CCDC137: variants seen among roughly 807,000 people sequenced by gnomAD.
The protein encoded by CCDC137 is coiled-coil domain-containing protein 137.
Under a neutral mutation model 30.4 loss-of-function variants are expected in CCDC137, and 24 were observed. That is an observed-to-expected ratio of 0.79 (90% CI 0.57 to 1.11). The LOEUF (loss-of-function observed/expected upper bound fraction) is 1.11. Ranked by LOEUF, CCDC137 falls within the 50% of genes least tolerant of loss-of-function variation. The pLI is 0.00. For synonymous variants in CCDC137, 182 were observed against 155.7 expected (o/e 1.17, Z -1.26); for missense variants, 417 against 380.4 (o/e 1.10, Z -0.80).
At chr17:81,669,595 A>T (rs568654763) in intron 2 of CCDC137, among the ~76,000 whole-genome samples, 57 of 147,102 alleles carry the variant, frequency 3.9e-4, no homozygotes, top group African/African-American at 1.4e-3. Context: ...AGTCTCGCTC[A>T]GTCGCCCAGG....
At chr17:81,671,711 A>G in intron 3 of CCDC137, 33 bp from the exon 4 acceptor site, 1 of 1,608,386 alleles carries the variant, frequency 6.2e-7, no homozygotes. Context: ...AAGAGAATTT[A>G]GGAATCTGAG....
chr17:81,671,843 C>T lies in CCDC137; in HGVS notation c.580+17C>T, dbSNP rs749784020. On this transcript the variant is annotated intron_variant, in intron 4 of 5. Transcript: ENST00000329214. ...TGCTCCGAGGTAGCTCTTCCCAAAG[C>T]GATGGTGTCAGCAGTGGTCCGGGTG... The T allele has an allele frequency of 5.8e-5, 94 of 1,613,044 alleles. No individual in the cohort carries two copies. The highest frequency in any genetic ancestry group is 4.8e-4 in the Admixed American group (29 of 59,920).
chr17:81,666,880 C>A lies in CCDC137; in HGVS notation c.114C>A (p.Ala38=). Residue 38 remains alanine, a synonymous_variant, in exon 1 of 6, where the codon GCC becomes GCA. Transcript: ENST00000329214. ...QVQPLGKQRP[A]PWPGLRSKEK... is the part of the protein sequence containing the mutation. ...AGCCGCTGGGGAAGCAGCGCCCAGC[C>A]CCGTGGCCCGGGCTTCGCAGGTGAC... The A allele has an allele frequency of 7.8e-7, 1 of 1,288,122 alleles. No homozygotes were observed. 79.8% of individuals were successfully genotyped at this position (1,288,122 alleles called of 1,614,324 possible). A position where few individuals can be genotyped will look rare whatever the true frequency, so the allele number is the denominator to read the frequency against.
At chr17:81,667,132 T>G (rs8071084) in intron 1 of CCDC137, 61,114 of 420,386 alleles carry the variant, frequency 0.15, 4,975 homozygotes, top group African/African-American at 0.18. Context: ...CCCGTCTTTG[T>G]GGTTCTGGAC....
At chr17:81,671,606 CG>C in intron 3 of CCDC137, 137 bp from the exon 4 acceptor site, 1 of 745,920 alleles carries the variant, frequency 1.3e-6, no homozygotes. Context: ...GTAAGGGGAG[CG>C]GGGACTTGGA....
chr17:81,671,664 T>G, intron 3 of CCDC137, 80 bp from the exon 4 acceptor site: 5 of 1,415,488 alleles, frequency 3.5e-6, no homozygotes, highest in South Asian at 2.4e-5. Flanking sequence ...GGGGATCCCT[T>G]GTGGGTGGGG....
At position 81,672,637 on chromosome 17, in the gene CCDC137, GGCA is replaced by G; in HGVS notation, c.812_814del (p.Gln271del). 6.2e-7 allele frequency: 1 copy of G among 1,600,468 alleles called. No homozygotes were observed. The highest frequency in any genetic ancestry group is 8.5e-7 in the Non-Finnish European group (1 of 1,174,710). On this transcript the variant is annotated inframe_deletion, in exon 6 of 6. Coordinates refer to ENST00000329214, the MANE Select transcript of CCDC137 (RefSeq NM_199287.3). The stretch of plus-strand genomic sequence containing the variant: ...CAGGCCTACAGAGCGTTGAAGCAGC[GGCA>G]GCAGCAGCTGCACGGGGAGCGACCC...
intron 3 of CCDC137, 26 bp downstream of exon 3, chr17:81,670,479 G>C (rs961391007): frequency 2.7e-5 from 42 of 1,553,608 alleles, no homozygotes; most frequent in African/African-American, 8.1e-5. Context: ...AGGGGGAGGG[G>C]TCTGCCCTGG....
At position 81,671,912 on chromosome 17, in the gene CCDC137, A is replaced by C. The variant is rs932479458; in HGVS notation, c.580+86A>C. ...TCTGTTCCCCACCAGCCCTGGCTGC[A>C]CTGGGCACCTGTGGTTTCCCCTGGG... is the stretch of plus-strand genomic sequence containing the variant. On this transcript the variant is annotated intron_variant, in intron 4 of 5. Coordinates refer to ENST00000329214, the MANE Select transcript of CCDC137 (RefSeq NM_199287.3). The C allele has an allele frequency of 3.3e-6, 5 of 1,519,626 alleles. No individual in the cohort carries two copies. In the African/African-American group the frequency reaches 6.9e-5, roughly 21 times the overall value. The allele number at this position is 1,519,626 out of a possible 1,614,324, so 94.1% of individuals were successfully genotyped here. A position where few individuals can be genotyped will look rare whatever the true frequency, so the allele number is the denominator to read the frequency against.
chr17:81,671,585 G>A (rs1467549342), intron 3 of CCDC137, 159 bp from the exon 4 acceptor site: 2 of 649,644 alleles, frequency 3.1e-6, no homozygotes, highest in African/African-American at 3.6e-5. Context: ...GCAGCTGTGG[G>A]TTTTGGGGTG....
intron 1 of CCDC137, 130 bp from the exon 2 acceptor site, chr17:81,667,599 T>C (rs1870886510): frequency 1.0e-6 from 1 of 1,000,764 alleles, no homozygotes; most frequent in Admixed American, 2.4e-5. Flanking sequence ...AGTGCAGGGA[T>C]TACAGGCGTG....
At position 81,670,283 on chromosome 17, in the gene CCDC137, C is replaced by T. The variant is rs769958569; in HGVS notation, c.327C>T (p.Ile109=). 39 of 1,614,038 alleles carry T rather than the reference C, an allele frequency of 2.4e-5. No homozygotes were observed. Among genetic ancestry groups the T allele is most frequent in the Admixed American group, 5.0e-5 (3 of 60,006 alleles). ...AAGCAAAGGGAGAGGAGCCCGACAT[C>T]GCAGTCCCCAAGTTCAAACAGAGGA... ...EKEAKGEEPD[I]AVPKFKQRKG... Residue 109 remains isoleucine (I), a synonymous_variant, in exon 3 of 6, where the codon ATC becomes ATT. Coordinates refer to ENST00000329214, the MANE Select transcript of CCDC137 (RefSeq NM_199287.3).
chr17:81,671,639 C>T (rs1204170225), intron 3 of CCDC137, 105 bp from the exon 4 acceptor site: 1 of 1,121,772 alleles, frequency 8.9e-7, no homozygotes, highest in African/African-American at 1.5e-5. Flanking sequence ...GTTCTTGGGT[C>T]CCTGCTCTGC....
chr17:81,671,523 A>G (rs1413935011), intron 3 of CCDC137: 1 of 555,032 alleles, frequency 1.8e-6, no homozygotes, highest in Non-Finnish European at 3.2e-6. Context: ...CCAGCTGAGA[A>G]CCACTGGGGG....
At chr17:81,670,515 C>T in intron 3 of CCDC137, 62 bp downstream of exon 3, 6 of 1,410,572 alleles carry the variant, frequency 4.3e-6, no homozygotes, top group Non-Finnish European at 5.9e-6. Context: ...CATTGGGTTC[C>T]CATGACGGCC....
rs2036750025 is a variant in CCDC137, at chr17:81,673,693, A to T, written c.*989A>T. The T allele has an allele frequency of 6.6e-6, 1 of 152,256 alleles. No individual in the cohort carries two copies. The highest frequency in any genetic ancestry group is 2.1e-4 in the South Asian group (1 of 4,828). 9.4% of individuals were successfully genotyped at this position (152,256 alleles called of 1,614,324 possible). On this transcript the variant is annotated 3_prime_UTR_variant, in exon 6 of 6. Transcript: ENST00000329214. ...GTCCGACAGCCCAGCACCATCTGGGAACTGAGAAGCACCTCTGCCCGGCCC... is the reference window on the plus strand; with the variant it reads ...GTCCGACAGCCCAGCACCATCTGGGTACTGAGAAGCACCTCTGCCCGGCCC...
In CCDC137 at chr17:81,666,743, G is replaced by C. The variant is rs182344335; in HGVS notation, c.-24G>C. ...CATGCAGGAAGGCGGAAGTGGCTTC[G>C]CTAGGGAGCCTCCCGGCGTGGAGAT... is the stretch of plus-strand genomic sequence containing the variant. On this transcript the variant is annotated 5_prime_UTR_variant, in exon 1 of 6. Transcript: ENST00000329214. 5.9e-5 allele frequency: 86 copies of C among 1,449,382 alleles called. No homozygotes were observed. The African/African-American group carries it at 9.3e-4, about 16-fold the overall frequency. 89.8% of individuals were successfully genotyped at this position (1,449,382 alleles called of 1,614,324 possible).
chr17:81,668,489 C>T (rs980043155), intron 2 of CCDC137, among the ~76,000 whole-genome samples: 1 of 152,168 alleles, frequency 6.6e-6, no homozygotes, highest in Non-Finnish European at 1.5e-5. Flanking sequence ...TGCTTATAGA[C>T]ACATTTCTCT....
At position 81,666,836 on chromosome 17, in the gene CCDC137, CG is replaced by C. The variant is rs1347246602; in HGVS notation, c.75del (p.Arg26GlyfsTer26). The C allele has an allele frequency of 3.7e-6, 5 of 1,344,180 alleles. No homozygotes were observed. Among genetic ancestry groups the C allele is most frequent in the Non-Finnish European group, 3.8e-6 (4 of 1,045,670 alleles). 83.3% of individuals were successfully genotyped at this position (1,344,180 alleles called of 1,614,324 possible). ...QAGPGSPRRA[R>X]GRQQVQPLGK... is the part of the protein sequence containing the mutation. ...GGGTCCTGGGAGTCCCCGGCGAGCG[CG>C]GGGGCGGCAGCAAGTGCAGCCGCTG... On this transcript the variant is annotated frameshift_variant, in exon 1 of 6. Coordinates refer to ENST00000329214, the MANE Select transcript of CCDC137 (RefSeq NM_199287.3). LOFTEE classifies it high-confidence loss of function.
Sources: allele counts gnomAD v4.1 joint callset (sites outside exome capture counted in the v4.1 genomes callset), GRCh38; gene constraint gnomAD v4.1.1; transcripts MANE v1.5; gene names NCBI Gene and HGNC (gene_info 2026-07-23, HGNC 2026-07-21).